Variants in SLC17A3 observed in about 807,000 individuals in gnomAD.
SLC17A3 encodes the protein solute carrier family 17 member 3.
In SLC17A3, 61 loss-of-function variants were observed where a neutral mutation model predicts 60.3. That is an observed-to-expected ratio of 1.01 (90% CI 0.82 to 1.25). The LOEUF (loss-of-function observed/expected upper bound fraction) is 1.25, where lower values mean the gene tolerates loss of function less well. SLC17A3 is among the 50% of genes most tolerant of loss of function. The pLI, the probability that SLC17A3 is intolerant of heterozygous loss-of-function variation, is 0.00. For missense variants in SLC17A3, 624 were observed against 594.9 expected (o/e 1.05, Z -0.51); for synonymous variants, 192 against 208.9 (o/e 0.92, Z 0.70).
intron 5 of SLC17A3, among the ~76,000 whole-genome samples, chr6:25,860,465 A>G (rs916580208): frequency 1.3e-5 from 2 of 152,050 alleles, no homozygotes; most frequent in Admixed American, 1.3e-4. Context: ...TTTCTATAAG[A>G]TCTACTGAGG....
chr6:25,863,542 T>C (rs1047451900), intron 2 of SLC17A3, among the ~76,000 whole-genome samples: 2 of 152,034 alleles, frequency 1.3e-5, no homozygotes, highest in African/African-American at 4.8e-5. Context: ...ATCAATGAGA[T>C]TGGGTAAATA....
At chr6:25,851,954 G>A (rs777253956) in intron 6 of SLC17A3, among the ~76,000 whole-genome samples, 34 of 152,018 alleles carry the variant, frequency 2.2e-4, no homozygotes, top group Non-Finnish European at 4.0e-4. Flanking sequence ...TCCCTATGTT[G>A]AATATTTTTT....
At chr6:25,849,580 A>C (rs1464275092) in intron 10 of SLC17A3, 116 bp from the exon 11 acceptor site, 1 of 746,728 alleles carries the variant, frequency 1.3e-6, no homozygotes, top group African/African-American at 1.8e-5. Context: ...ATATAATTAT[A>C]ATTAGACAAT....
chr6:25,855,053 C>T, intron 6 of SLC17A3, 91 bp downstream of exon 6: 1 of 845,600 alleles, frequency 1.2e-6, no homozygotes, highest in Non-Finnish European at 2.0e-6. Flanking sequence ...TGTCTTGACT[C>T]ATTTCCTTTG....
rs916137774 is a variant in SLC17A3, at chr6:25,862,537, A to C, written c.92-93T>G. 1.2e-5 allele frequency: 12 copies of C among 999,674 alleles called. No individual in the cohort carries two copies. The African/African-American group carries it at 1.9e-4, about 16-fold the overall frequency. The allele number at this position is 999,674 out of a possible 1,614,324, so 61.9% of individuals were successfully genotyped here. ...TGATTTAAAAAGTACCTGATCACTTAACGATTTAAATCATTACTTAAATGA... is the reference window on the plus strand; with the variant it reads ...TGATTTAAAAAGTACCTGATCACTTCACGATTTAAATCATTACTTAAATGA... On this transcript the variant is annotated intron_variant, in intron 2 of 12. Coordinates refer to ENST00000397060, the MANE Select transcript of SLC17A3 (RefSeq NM_001098486.2).
chr6:25,873,682 T>G (rs1224892598), intron 1 of SLC17A3, among the ~76,000 whole-genome samples: 2 of 152,112 alleles, frequency 1.3e-5, no homozygotes, highest in Non-Finnish European at 2.9e-5. Context: ...TTTCTCCAGA[T>G]GCTTTCTTGG....
intron 6 of SLC17A3, among the ~76,000 whole-genome samples, chr6:25,851,860 G>A (rs1765283440): frequency 6.6e-6 from 1 of 152,098 alleles, no homozygotes; most frequent in Admixed American, 6.5e-5. Flanking sequence ...ATTTTCAAAG[G>A]TGTTTGGCTA....
intron 11 of SLC17A3, 116 bp downstream of exon 11, chr6:25,849,258 A>G (rs867717586): frequency 2.8e-5 from 20 of 708,384 alleles, no homozygotes; most frequent in Middle Eastern, 6.5e-4. Context: ...GGTTCATCTT[A>G]ATGACAAATT....
chr6:25,864,167 A>T (rs1326426923), intron 2 of SLC17A3, among the ~76,000 whole-genome samples: 1 of 151,786 alleles, frequency 6.6e-6, no homozygotes, highest in Non-Finnish European at 1.5e-5. Flanking sequence ...AAAAGAGGGG[A>T]TTATGACAGA....
intron 3 of SLC17A3, 47 bp from the exon 4 acceptor site, chr6:25,862,076 C>G: frequency 6.8e-7 from 1 of 1,473,904 alleles, no homozygotes; most frequent in East Asian, 2.4e-5. Flanking sequence ...CAAAAAGGTT[C>G]TTACATACCC....
At position 25,850,184 on chromosome 6, in the gene SLC17A3, A is replaced by G. The variant is rs376741196; in HGVS notation, c.994-7T>C. The G allele has an allele frequency of 3.5e-4, 564 of 1,612,706 alleles. No homozygotes were observed. The highest frequency in any genetic ancestry group is 4.5e-4 in the Non-Finnish European group (532 of 1,179,148). On this transcript the variant is annotated splice_polypyrimidine_tract_variant and splice_region_variant and intron_variant, in intron 8 of 12. Transcript: ENST00000397060. ...GGGCAGATAGAAGTCCATTCTAAAG[A>G]GAAAAGATTGAGTAAATTACCATAA...
chr6:25,851,458 T>C (rs1272952325), intron 6 of SLC17A3, among the ~76,000 whole-genome samples: 3 of 152,196 alleles, frequency 2.0e-5, no homozygotes, highest in Non-Finnish European at 2.9e-5. Flanking sequence ...TGGTGTCATA[T>C]TTAGGAAATC....
At chr6:25,853,156 T>C (rs1190486245) in intron 6 of SLC17A3, among the ~76,000 whole-genome samples, 3 of 152,174 alleles carry the variant, frequency 2.0e-5, no homozygotes, top group Non-Finnish European at 2.9e-5. Context: ...TCTGATTTTC[T>C]GTGAGTGTAG....
At chr6:25,850,355 T>A in intron 8 of SLC17A3, 104 bp downstream of exon 8, 1 of 1,392,372 alleles carries the variant, frequency 7.2e-7, no homozygotes, top group Non-Finnish European at 1.0e-6. Context: ...ATTAGATTAT[T>A]TTTGGTAATA....
chr6:25,857,151 T>C (rs918309668), intron 5 of SLC17A3, among the ~76,000 whole-genome samples: 1 of 151,702 alleles, frequency 6.6e-6, no homozygotes, highest in Admixed American at 6.6e-5. Context: ...ATCATGCCAC[T>C]GCACTGTAGC....
chr6:25,850,464 T>C lies in SLC17A3; in HGVS notation c.988A>G (p.Arg330Gly). 1 of 1,613,796 alleles carries C rather than the reference T, an allele frequency of 6.2e-7. No homozygotes were observed. The highest frequency in any genetic ancestry group is 8.5e-7 in the Non-Finnish European group (1 of 1,179,774). The change falls in exon 8 of 13, where the codon AGA (arginine) becomes GGA (glycine). Residue 330 changes from arginine to glycine, a missense_variant. Coordinates refer to ENST00000397060, the MANE Select transcript of SLC17A3 (RefSeq NM_001098486.2). ...YISSVYHVNIRDNGLLSALPF... is the reference protein window; with the variant it reads ...YISSVYHVNIGDNGLLSALPF... The stretch of plus-strand genomic sequence containing the variant: ...AGGGAAGGAAACATACTCACGTCTC[T>C]GATGTTAACATGGTACACAGAGCTG...
At chr6:25,871,237 C>T (rs184731762) in intron 1 of SLC17A3, among the ~76,000 whole-genome samples, 90 of 152,108 alleles carry the variant, frequency 5.9e-4, no homozygotes, top group African/African-American at 1.6e-3. Flanking sequence ...TTGGAACCAA[C>T]CCAAATGTCC....
At position 25,862,280 on chromosome 6, in the gene SLC17A3, C is replaced by A; in HGVS notation, c.256G>T (p.Asp86Tyr). Residue 86 changes from aspartate to tyrosine, a missense_variant, in exon 3 of 13, where the codon GAC (aspartate) becomes TAC (tyrosine). Asp to Tyr is a radical substitution (Grantham distance 160). Transcript: ENST00000397060. The part of the protein sequence containing the change: ...LNDSSEVLPV[D>Y]SFGGLSKAPK... Reference sequence around the variant, plus strand: ...GCTTTACTTAGGCCACCAAATGAGTCAACAGGCAGCACCTCAGAGGAATCA... The same window carrying A: ...GCTTTACTTAGGCCACCAAATGAGTAAACAGGCAGCACCTCAGAGGAATCA... 2 of 1,613,838 alleles carry A rather than the reference C, an allele frequency of 1.2e-6. No homozygotes were observed. Among genetic ancestry groups the A allele is most frequent in the South Asian group, 1.1e-5 (1 of 91,076 alleles).
chr6:25,871,224 G>C (rs1350438650), intron 1 of SLC17A3, among the ~76,000 whole-genome samples: 1 of 151,974 alleles, frequency 6.6e-6, no homozygotes, highest in Non-Finnish European at 1.5e-5. Flanking sequence ...CAATAGCAAA[G>C]ACTTGGAACC....
Sources: allele counts gnomAD v4.1 joint callset (sites outside exome capture counted in the v4.1 genomes callset), GRCh38; gene constraint gnomAD v4.1.1; transcripts MANE v1.5; gene names NCBI Gene and HGNC (gene_info 2026-07-23, HGNC 2026-07-21).